INTS8: variants seen among roughly 807,000 people sequenced by gnomAD.
INTS8 encodes the protein protein kaonashi-1.
Under a neutral mutation model 138.9 loss-of-function variants are expected in INTS8, and 47 were observed. The ratio of observed to expected loss-of-function variants is 0.34; its 90% CI spans 0.27 to 0.43. The LOEUF is 0.43. Ranked by LOEUF, INTS8 falls within the 20% of genes least tolerant of loss-of-function variation. The pLI, the probability that INTS8 is intolerant of heterozygous loss-of-function variation, is 1.00. For missense variants in INTS8, 996 were observed against 1,173.0 expected (o/e 0.85, Z 2.20); for synonymous variants, 392 against 400.9 (o/e 0.98, Z 0.27).
At position 94,840,715 on chromosome 8, in the gene INTS8, G is replaced by A. The variant is rs143194087; in HGVS notation, c.1018-776G>A. ...TGGGATTACAGGCGCCTGCCAACGT[G>A]CCTGGCTAATTTTTGTAGTTTTTAG... On this transcript the variant is annotated intron_variant, in intron 8 of 26. Transcript: ENST00000523731. Among the ~76,000 whole-genome samples, 32 of 151,536 alleles carry A rather than the reference G, an allele frequency of 2.1e-4. No homozygotes were observed. The East Asian group carries it at 6.3e-3, about 30-fold the overall frequency.
intron 9 of INTS8, among the ~76,000 whole-genome samples, 195 bp downstream of exon 9, chr8:94,841,786 G>A (rs1369211071): frequency 6.6e-6 from 1 of 152,078 alleles, no homozygotes; most frequent in Non-Finnish European, 1.5e-5. Flanking sequence ...GTGCTTGCAG[G>A]GCCGGGCGAG....
chr8:94,868,980 A>ATTTT (rs765235187), intron 20 of INTS8, among the ~76,000 whole-genome samples: 1 of 106,802 alleles, frequency 9.4e-6, no homozygotes, highest in Non-Finnish European at 2.0e-5. Flanking sequence ...CCAGTTTTGG[A>ATTTT]TTTTTTTTTT....
chr8:94,875,808 C>T (rs1450170619), intron 23 of INTS8: 1 of 383,648 alleles, frequency 2.6e-6, no homozygotes, highest in South Asian at 2.9e-5. Flanking sequence ...TGGCAGTTTT[C>T]CATCCCCTTC....
chr8:94,867,049 T>G, intron 18 of INTS8, 91 bp from the exon 19 acceptor site: 1 of 986,562 alleles, frequency 1.0e-6, no homozygotes, highest in Non-Finnish European at 1.5e-6. Flanking sequence ...CAAGGGTCTT[T>G]TAGAATGCTT....
At position 94,876,196 on chromosome 8, in the gene INTS8, G is replaced by A. The variant is rs188258467; in HGVS notation, c.2763-25G>A. The A allele has an allele frequency of 1.2e-3, 1,862 of 1,607,362 alleles. 5 individuals are homozygous for A. The highest frequency in any genetic ancestry group is 1.8e-3 in the Admixed American group (107 of 59,962). On this transcript the variant is annotated intron_variant, in intron 24 of 26. Coordinates refer to ENST00000523731, the MANE Select transcript of INTS8 (RefSeq NM_017864.4). The stretch of plus-strand genomic sequence containing the variant: ...ATGAGGTCAACATTTTTCTGCTTAA[G>A]AAGTAACTGAATTCTGTCTTTCAGT...
At chr8:94,838,816 A>G (rs1220743961) in intron 8 of INTS8, among the ~76,000 whole-genome samples, 198 bp downstream of exon 8, 1 of 152,222 alleles carries the variant, frequency 6.6e-6, no homozygotes, top group Non-Finnish European at 1.5e-5. Flanking sequence ...ATAGTGCACA[A>G]ATTCTAAGGC....
rs765867230 is a variant in INTS8 at position 94,871,960 on chromosome 8, A to G, written c.2491A>G (p.Asn831Asp). The G allele has an allele frequency of 1.2e-6, 2 of 1,602,106 alleles. No individual in the cohort carries two copies. Among genetic ancestry groups the G allele is most frequent in the South Asian group, 2.2e-5 (2 of 90,242 alleles). The change falls in exon 21 of 27, where the codon AAT becomes GAT. Residue 831 changes from asparagine to aspartate, a missense_variant. Asn to Asp is a conservative substitution (Grantham distance 23, BLOSUM62 1). Transcript: ENST00000523731. ...LVRYTLSINP[N>D]NHSWLIIQAD... is the part of the protein sequence containing the mutation. ...TCGATATACACTCAGTATAAATCCA[A>G]ATAACCATTCTTGGTTAATTATCCA...
Position 94,880,794 on chromosome 8 carries a change from GA to G in INTS8, c.*561del. The G allele has an allele frequency of 2.5e-6, 1 of 398,394 alleles. No individual in the cohort carries two copies. The highest frequency in any genetic ancestry group is 4.4e-6 in the Non-Finnish European group (1 of 225,756). The allele number at this position is 398,394 out of a possible 1,614,324, so 24.7% of individuals were successfully genotyped here. A position where few individuals can be genotyped will look rare whatever the true frequency, so the allele number is the denominator to read the frequency against. On this transcript the variant is annotated 3_prime_UTR_variant, in exon 27 of 27. Coordinates refer to ENST00000523731, the MANE Select transcript of INTS8 (RefSeq NM_017864.4). ...AAAAAAATTCCTTAGGGATATCTTA[GA>G]GTAGTAAAGTGACTTCCTCATATAA...
chr8:94,857,324 G>A (rs974728441), intron 15 of INTS8, among the ~76,000 whole-genome samples: 3 of 151,860 alleles, frequency 2.0e-5, no homozygotes, highest in African/African-American at 4.8e-5. Context: ...CACCCTCCTC[G>A]CCCTCCCAAA....
chr8:94,875,992 T>G (rs1816552189), intron 23 of INTS8, 82 bp from the exon 24 acceptor site: 1 of 907,974 alleles, frequency 1.1e-6, no homozygotes, highest in Non-Finnish European at 1.8e-6. Flanking sequence ...TCTATAAGGC[T>G]TAATATAAGA....
rs563848436 is a variant in INTS8 at position 94,880,684 on chromosome 8, G to C, written c.*450G>C. The C allele has an allele frequency of 5.1e-6, 2 of 393,838 alleles. No individual in the cohort carries two copies. The highest frequency in any genetic ancestry group is 4.5e-6 in the Non-Finnish European group (1 of 223,728). 24.4% of individuals were successfully genotyped at this position (393,838 alleles called of 1,614,324 possible). A position where few individuals can be genotyped will look rare whatever the true frequency, so the allele number is the denominator to read the frequency against. On this transcript the variant is annotated 3_prime_UTR_variant, in exon 27 of 27. Transcript: ENST00000523731. ...TGTTAAGCTTTATCACTTTGACACT[G>C]TCCTTATCTCACAATGGAGGAATTT...
intron 22 of INTS8, 53 bp downstream of exon 22, chr8:94,873,530 C>T (rs1009149637): frequency 8.7e-7 from 1 of 1,152,736 alleles, no homozygotes; most frequent in Non-Finnish European, 1.3e-6. Flanking sequence ...ATATGTTCTT[C>T]CTGGGTCCCC....
intron 16 of INTS8, among the ~76,000 whole-genome samples, chr8:94,863,822 A>G (rs1816081086): frequency 6.6e-6 from 1 of 152,256 alleles, no homozygotes; most frequent in South Asian, 2.1e-4. Flanking sequence ...GAATAGCTGC[A>G]TGTATTGTGA....
chr8:94,826,052 T>C (rs929135590), intron 2 of INTS8, among the ~76,000 whole-genome samples: 2 of 152,230 alleles, frequency 1.3e-5, no homozygotes, highest in Non-Finnish European at 2.9e-5. Flanking sequence ...TTTTCACTGA[T>C]ATAAATCACA....
At chr8:94,875,497 G>C (rs1410389601) in intron 23 of INTS8, among the ~76,000 whole-genome samples, 3 of 152,122 alleles carry the variant, frequency 2.0e-5, no homozygotes, top group Non-Finnish European at 4.4e-5. Context: ...ACTGCTAATG[G>C]ACTTTTTTGG....
At chr8:94,860,571 C>T (rs1815919398) in intron 16 of INTS8, among the ~76,000 whole-genome samples, 1 of 108,406 alleles carries the variant, frequency 9.2e-6, no homozygotes, top group Non-Finnish European at 1.8e-5. Context: ...AAGAGCGAAA[C>T]TCTACCTCAA....
At chr8:94,845,975 C>T (rs1263431301) in intron 10 of INTS8, among the ~76,000 whole-genome samples, 3 of 152,166 alleles carry the variant, frequency 2.0e-5, no homozygotes, top group African/African-American at 7.2e-5. Flanking sequence ...TATTGGGTGT[C>T]CTAATCCATG....
At chr8:94,850,380 A>T (rs932905500) in intron 12 of INTS8, among the ~76,000 whole-genome samples, 5 of 152,210 alleles carry the variant, frequency 3.3e-5, no homozygotes, top group African/African-American at 1.2e-4. Flanking sequence ...TGGGAGGCCA[A>T]GACGGGCGGA....
intron 10 of INTS8, among the ~76,000 whole-genome samples, chr8:94,847,865 A>G (rs1291313672): frequency 6.6e-6 from 1 of 152,208 alleles, no homozygotes; most frequent in Admixed American, 6.5e-5. Flanking sequence ...ATTACTCACC[A>G]TAAGATATTT....
Sources: gnomAD v4.1 joint callset for allele counts (sites outside exome capture counted in the v4.1 genomes callset) on GRCh38, gnomAD v4.1.1 for gene constraint, MANE v1.5 for transcripts, NCBI Gene and HGNC (gene_info 2026-07-23, HGNC 2026-07-21) for gene names.